Variants in ATRNL1 observed in about 807,000 individuals in gnomAD.
ATRNL1 encodes attractin like 1.
A neutral mutation model predicts 182.7 loss-of-function variants in ATRNL1; 95 were observed. The observed-to-expected ratio is 0.52, with a 90% CI of 0.44 to 0.62. The LOEUF (loss-of-function observed/expected upper bound fraction) is 0.62, where lower values mean the gene tolerates loss of function less well. Among genes scored for constraint, ATRNL1 ranks in the 20% least tolerant of loss-of-function variants. ATRNL1 has a pLI of 0.00. For synonymous variants in ATRNL1, 576 were observed against 568.3 expected (o/e 1.01, Z -0.19); for missense variants, 1,471 against 1,679.5 (o/e 0.88, Z 2.17).
intron 26 of ATRNL1, among the ~76,000 whole-genome samples, chr10:115,699,731 G>T (rs1946673420): frequency 6.6e-6 from 1 of 152,074 alleles, no homozygotes; most frequent in Non-Finnish European, 1.5e-5. Flanking sequence ...TACATATGCA[G>T]GTTTCTTACA....
At position 115,947,998 on chromosome 10, in the gene ATRNL1, T is replaced by A. The variant is rs1555126385; in HGVS notation, c.*3219T>A. On this transcript the variant is annotated 3_prime_UTR_variant, in exon 29 of 29. Coordinates refer to ENST00000355044, the MANE Select transcript of ATRNL1 (RefSeq NM_207303.4). ...CCGTGGGGACACCAGGCCACTCTTT[T>A]TCTACCAGTTGTTTTATGAATCCAC... 1 of 152,230 alleles carries A rather than the reference T, an allele frequency of 6.6e-6. No individual in the cohort carries two copies. The highest frequency in any genetic ancestry group is 2.4e-5 in the African/African-American group (1 of 41,464). The allele number at this position is 152,230 out of a possible 1,614,324, so 9.4% of individuals were successfully genotyped here.
At chr10:115,815,404 G>GGT (rs1213640346) in intron 27 of ATRNL1, among the ~76,000 whole-genome samples, 77 of 98,050 alleles carry the variant, frequency 7.9e-4, no homozygotes, top group East Asian at 7.2e-3. Flanking sequence ...ACTGGTATGT[G>GGT]GTGTGTGTGT....
intron 27 of ATRNL1, among the ~76,000 whole-genome samples, chr10:115,747,128 A>T (rs905191872): frequency 2.0e-4 from 30 of 152,150 alleles, no homozygotes; most frequent in Non-Finnish European, 2.8e-4. Flanking sequence ...GATAAGGAAT[A>T]TAGTTATCAT....
chr10:115,480,508 A>G (rs1337993454), intron 24 of ATRNL1, among the ~76,000 whole-genome samples: 4 of 151,154 alleles, frequency 2.6e-5, no homozygotes, highest in African/African-American at 9.7e-5. Flanking sequence ...CCAAGGTAAC[A>G]TAAATTCAAA....
chr10:115,729,527 G>GTGTGTGTGTGTGTGTGTGTGTA (rs1215381020), intron 27 of ATRNL1, among the ~76,000 whole-genome samples: 6 of 151,102 alleles, frequency 4.0e-5, no homozygotes, highest in African/African-American at 1.5e-4. Context: ...GTGTGTGTGT[G>GTGTGTGTGTGTGTGTGTGTGTA]TGTGTGTGTT....
chr10:115,224,017 C>G (rs1355341774), intron 9 of ATRNL1, among the ~76,000 whole-genome samples: 1 of 147,004 alleles, frequency 6.8e-6, no homozygotes, highest in Non-Finnish European at 1.5e-5. Flanking sequence ...CTCACTGCAA[C>G]CTCTGCCTCT....
intron 19 of ATRNL1, among the ~76,000 whole-genome samples, chr10:115,377,490 C>T (rs549769286): frequency 6.6e-6 from 1 of 152,148 alleles, no homozygotes; most frequent in Admixed American, 6.5e-5. Flanking sequence ...ATCTATGTTT[C>T]CTTGCATCTC....
intron 26 of ATRNL1, among the ~76,000 whole-genome samples, chr10:115,706,190 G>GT (rs1292528736): frequency 8.6e-5 from 13 of 151,964 alleles, no homozygotes; most frequent in South Asian, 2.1e-4. Context: ...CCATGTTCTT[G>GT]CCTTTTTTAG....
chr10:115,682,759 C>G (rs782058099), intron 26 of ATRNL1, among the ~76,000 whole-genome samples: 127 of 152,056 alleles, frequency 8.4e-4, no homozygotes, highest in Non-Finnish European at 1.8e-3. Context: ...GTGGAAATCT[C>G]CCTCTAAAGG....
chr10:115,197,672 G>GTAGAATC (rs1848412376), intron 8 of ATRNL1, among the ~76,000 whole-genome samples: 1 of 152,102 alleles, frequency 6.6e-6, no homozygotes, highest in Non-Finnish European at 1.5e-5. Flanking sequence ...CAAAGCCAGT[G>GTAGAATC]CAGTCGGCCT....
chr10:115,379,418 G>T (rs693986), intron 19 of ATRNL1, among the ~76,000 whole-genome samples: 1 of 151,740 alleles, frequency 6.6e-6, no homozygotes, highest in Non-Finnish European at 1.5e-5. Flanking sequence ...CAAAAAGTTA[G>T]CGTCTTAGAA....
chr10:115,741,444 G>C (rs897928204), intron 27 of ATRNL1, among the ~76,000 whole-genome samples: 1 of 152,140 alleles, frequency 6.6e-6, no homozygotes, highest in Admixed American at 6.6e-5. Flanking sequence ...CAGTGAGAAG[G>C]CCACATTCAC....
At chr10:115,772,779 G>A (rs1369654169) in intron 27 of ATRNL1, among the ~76,000 whole-genome samples, 2 of 152,118 alleles carry the variant, frequency 1.3e-5, no homozygotes, top group Non-Finnish European at 2.9e-5. Flanking sequence ...GCAGCTTAGA[G>A]CACTCAAGGC....
intron 20 of ATRNL1, among the ~76,000 whole-genome samples, chr10:115,411,747 A>G (rs1335656422): frequency 6.6e-6 from 1 of 152,160 alleles, no homozygotes; most frequent in Non-Finnish European, 1.5e-5. Context: ...AATGTTTTAC[A>G]TTTTATTTAC....
At chr10:115,369,267 G>T (rs2134189394) in intron 19 of ATRNL1, among the ~76,000 whole-genome samples, 1 of 150,414 alleles carries the variant, frequency 6.6e-6, no homozygotes, top group South Asian at 2.1e-4. Flanking sequence ...TGTGTGAGGG[G>T]GATGGGGTAA....
Position 115,315,750 on chromosome 10 carries a change from A to G in ATRNL1, c.3037+14A>G, listed in dbSNP as rs781991386. 3 of 1,595,478 alleles carry G rather than the reference A, an allele frequency of 1.9e-6. No homozygotes were observed. Among genetic ancestry groups the G allele is most frequent in the Admixed American group, 3.4e-5 (2 of 59,584 alleles). ...TCCAGTGTCCAGGTAATAATAATGT[A>G]ATGGAAACAATTTCAGTTTCTGCTT... On this transcript the variant is annotated intron_variant, in intron 18 of 28. Coordinates refer to ENST00000355044, the MANE Select transcript of ATRNL1 (RefSeq NM_207303.4).
chr10:115,396,571 A>G (rs1844300053), intron 20 of ATRNL1, among the ~76,000 whole-genome samples: 1 of 151,916 alleles, frequency 6.6e-6, no homozygotes, highest in Non-Finnish European at 1.5e-5. Context: ...GTTTCTCTTG[A>G]TTAACTTCTA....
In ATRNL1 at chr10:115,847,918, C is replaced by G; in HGVS notation, c.3945C>G (p.Asn1315Lys). 2 of 1,612,892 alleles carry G rather than the reference C, an allele frequency of 1.2e-6. No homozygotes were observed. Among genetic ancestry groups the G allele is most frequent in the African/African-American group, 1.3e-5 (1 of 74,990 alleles). Residue 1315 changes from asparagine to lysine, a missense_variant, in exon 28 of 29, where the codon AAC becomes AAG. Physicochemically the swap from Asn to Lys is moderately conservative, Grantham distance 94. Around this residue, in one of 3 missense-constraint regions of ATRNL1, gnomAD observed 437 missense variants for 506.0 expected, o/e 0.86. Coordinates refer to ENST00000355044, the MANE Select transcript of ATRNL1 (RefSeq NM_207303.4). Reference sequence around the variant, plus strand: ...TTGCCATTGAACCATGTGCTGGGAACAGAGCTGCTGTTCTGACTGTGTTTC... The same window carrying G: ...TTGCCATTGAACCATGTGCTGGGAAGAGAGCTGCTGTTCTGACTGTGTTTC... ...KPIAIEPCAG[N>K]RAAVLTVFLC...
At chr10:115,673,983 G>A (rs1945781969) in intron 26 of ATRNL1, among the ~76,000 whole-genome samples, 1 of 152,028 alleles carries the variant, frequency 6.6e-6, no homozygotes, top group East Asian at 1.9e-4. Flanking sequence ...AAGGCTACGA[G>A]CCAGCACTAC....
Sources: allele counts gnomAD v4.1 joint callset (sites outside exome capture counted in the v4.1 genomes callset), GRCh38; gene constraint gnomAD v4.1.1; regional missense constraint gnomAD v4.1.1; transcripts MANE v1.5; gene names NCBI Gene and HGNC (gene_info 2026-07-23, HGNC 2026-07-21).